The following HTR2C variants were observed in gnomAD, a reference collection of about 807,000 sequenced individuals.
The protein encoded by HTR2C is 5-hydroxytryptamine (serotonin) receptor 2C, G protein-coupled.
In HTR2C, 5 loss-of-function variants were observed where a neutral mutation model predicts 21.0. The ratio of observed to expected loss-of-function variants is 0.24; its 90% CI spans 0.12 to 0.50. HTR2C has a LOEUF of 0.50. Ranked by LOEUF, HTR2C falls within the 20% of genes least tolerant of loss-of-function variation. HTR2C has a pLI of 0.98. For synonymous variants in HTR2C, 150 were observed against 145.3 expected, an observed-to-expected ratio of 1.03 and a Z score of -0.23; for missense variants, 271 against 371.2, an observed-to-expected ratio of 0.73 and a Z score of 2.22.
chrX:114,805,937 T>TATACAC (rs2070418231), intron 4 of HTR2C, among the ~76,000 whole-genome samples: 1 of 18,915 alleles, frequency 5.3e-5, no homozygotes, highest in Non-Finnish European at 1.3e-4. Flanking sequence ...ACCATATATA[T>TATACAC]ACCATATATA....
chrX:114,641,610 A>G (rs1367407990), intron 2 of HTR2C, among the ~76,000 whole-genome samples: 2 of 112,093 alleles, frequency 1.8e-5, no homozygotes, highest in Non-Finnish European at 3.8e-5. Flanking sequence ...TTCTTTCAAC[A>G]CTTGCTTTCA....
chrX:114,589,921 G>A, intron 1 of HTR2C: 1 of 273,776 alleles, frequency 3.7e-6, no homozygotes, highest in Non-Finnish European at 6.7e-6. Flanking sequence ...AAAGGTCCAA[G>A]TGATCCATTT....
intron 2 of HTR2C, among the ~76,000 whole-genome samples, chrX:114,666,642 CTT>C (rs782202128): frequency 9.0e-6 from 1 of 110,740 alleles, no homozygotes; most frequent in Non-Finnish European, 1.9e-5. Context: ...TGAACACTCA[CTT>C]TTTTTTCTTT....
intron 4 of HTR2C, among the ~76,000 whole-genome samples, chrX:114,759,339 G>A (rs997216570): frequency 3.6e-5 from 4 of 110,916 alleles, no homozygotes; most frequent in Admixed American, 1.9e-4. Context: ...TGTGCTCAGA[G>A]GAGACATCAG....
At chrX:114,822,393 TAG>T in intron 4 of HTR2C, among the ~76,000 whole-genome samples, 1 of 112,111 alleles carries the variant, frequency 8.9e-6, no homozygotes, top group South Asian at 3.7e-4. Context: ...ACTGAGAGGA[TAG>T]AGTCACATAG....
chrX:114,801,761 AC>A (rs1477246342), intron 4 of HTR2C, among the ~76,000 whole-genome samples: 1 of 111,052 alleles, frequency 9.0e-6, no homozygotes, highest in Non-Finnish European at 1.9e-5. Context: ...CATAATAATC[AC>A]AACAGGGTGA....
chrX:114,842,581 G>A (rs1375282646), intron 4 of HTR2C, among the ~76,000 whole-genome samples: 1 of 111,893 alleles, frequency 8.9e-6, no homozygotes, highest in Non-Finnish European at 1.9e-5. Flanking sequence ...ACAGAGAATG[G>A]AAAAAGCTAC....
At chrX:114,769,506 G>T (rs1556436439) in intron 4 of HTR2C, among the ~76,000 whole-genome samples, 2 of 110,402 alleles carry the variant, frequency 1.8e-5, no homozygotes, top group Non-Finnish European at 3.8e-5. Flanking sequence ...ACCCTTTAAA[G>T]TGTACAATTC....
At chrX:114,721,681 A>G (rs1933223189) in intron 2 of HTR2C, among the ~76,000 whole-genome samples, 1 of 108,966 alleles carries the variant, frequency 9.2e-6, no homozygotes, top group Non-Finnish European at 1.9e-5. Flanking sequence ...ATCCATCTTG[A>G]ATTGATTTTT....
At position 114,652,767 on chromosome X, in the gene HTR2C, T is replaced by C. The variant is rs781975152; in HGVS notation, c.-80+38886T>C. The stretch of plus-strand genomic sequence containing the variant: ...CCCAGACAGACCTTATGATCTAGTA[T>C]GGGAGAGAAGAAATATAAGGAGAAT... On this transcript the variant is annotated intron_variant, in intron 2 of 5. Coordinates refer to ENST00000276198, the MANE Select transcript of HTR2C (RefSeq NM_000868.4). 17 of 322,707 alleles carry C rather than the reference T, an allele frequency of 5.3e-5. No individual in the cohort carries two copies. The East Asian group carries it at 1.4e-3, about 27-fold the overall frequency. The allele number at this position is 322,707 out of a possible 1,213,427, so 26.6% of individuals were successfully genotyped here.
intron 4 of HTR2C, among the ~76,000 whole-genome samples, chrX:114,767,238 G>T (rs1476069514): frequency 9.0e-6 from 1 of 110,797 alleles, no homozygotes; most frequent in Non-Finnish European, 1.9e-5. Context: ...TTAGAATAAA[G>T]CAGAAAGAGT....
At chrX:114,729,931 A>G (rs2069519957) in intron 3 of HTR2C, among the ~76,000 whole-genome samples, 1 of 111,551 alleles carries the variant, frequency 9.0e-6, no homozygotes, top group Non-Finnish European at 1.9e-5. Context: ...ACCAGAGGCA[A>G]TTTTCTCCTC....
Position 114,649,185 on chromosome X carries a change from C to T in HTR2C, c.-80+35304C>T, listed in dbSNP as rs1244822746. Among the ~76,000 whole-genome samples, 5 of 112,064 alleles carry T rather than the reference C, an allele frequency of 4.5e-5. No individual in the cohort carries two copies. The East Asian group carries it at 1.1e-3, about 25-fold the overall frequency. ...AGTACTAAATCTATAGTGTCTAATA[C>T]ACTTTTCAAGCACTTGGGAGGATTC... On this transcript the variant is annotated intron_variant, in intron 2 of 5. Transcript: ENST00000276198.
In HTR2C at chrX:114,629,984, A is replaced by G. The variant is rs1387894397; in HGVS notation, c.-80+16103A>G. On this transcript the variant is annotated intron_variant, in intron 2 of 5. Coordinates refer to ENST00000276198, the MANE Select transcript of HTR2C (RefSeq NM_000868.4). ...GAAGCAAACAATGAAGAAAAAGGTA[A>G]CGATTATTTGCCAATGGCTGCTTGA... Among the ~76,000 whole-genome samples, 14 of 111,409 alleles carry G rather than the reference A, an allele frequency of 1.3e-4. No individual in the cohort carries two copies. The Admixed American group carries it at 1.3e-3, about 11-fold the overall frequency.
chrX:114,585,277 T>C (rs782610300), intron 1 of HTR2C, among the ~76,000 whole-genome samples: 1 of 111,543 alleles, frequency 9.0e-6, no homozygotes, highest in South Asian at 3.8e-4. Context: ...GATCTGTGTT[T>C]GGTCTAACAG....
rs2070045491 is a variant in HTR2C at position 114,775,299 on chromosome X, G to A, written c.349+43692G>A. 4 of 528,219 alleles carry A rather than the reference G, an allele frequency of 7.6e-6. No homozygotes were observed. In the East Asian group the frequency reaches 1.4e-4, roughly 19 times the overall value. 43.5% of individuals were successfully genotyped at this position (528,219 alleles called of 1,213,427 possible). Reference sequence around the variant, plus strand: ...CTCTTTTCCTACACTCTTGTCCACAGCAGAGACATTGAGGATGCCATTGGC... The same window carrying A: ...CTCTTTTCCTACACTCTTGTCCACAACAGAGACATTGAGGATGCCATTGGC... On this transcript the variant is annotated intron_variant, in intron 4 of 5. Coordinates refer to ENST00000276198, the MANE Select transcript of HTR2C (RefSeq NM_000868.4).
At chrX:114,757,967 A>G (rs1039835828) in intron 4 of HTR2C, among the ~76,000 whole-genome samples, 6 of 110,978 alleles carry the variant, frequency 5.4e-5, no homozygotes, top group African/African-American at 1.3e-4. Flanking sequence ...GAACACACAT[A>G]CACACAAACA....
At chrX:114,684,765 C>T (rs1556414009) in intron 2 of HTR2C, among the ~76,000 whole-genome samples, 1 of 111,185 alleles carries the variant, frequency 9.0e-6, no homozygotes, top group Non-Finnish European at 1.9e-5. Flanking sequence ...TGTATTTCTC[C>T]TCATTATAGT....
chrX:114,683,739 G>A (rs1181807788), intron 2 of HTR2C, among the ~76,000 whole-genome samples: 1 of 111,327 alleles, frequency 9.0e-6, no homozygotes, highest in Non-Finnish European at 1.9e-5. Context: ...AGGTTGCTGT[G>A]AGTCAAGATG....
Sources: allele counts gnomAD v4.1 joint callset (sites outside exome capture counted in the v4.1 genomes callset), GRCh38; gene constraint gnomAD v4.1.1; transcripts MANE v1.5; gene names NCBI Gene and HGNC (gene_info 2026-07-23, HGNC 2026-07-21).